Variants in LUZP2 observed in about 807,000 individuals in gnomAD.
LUZP2 encodes the protein leucine zipper protein 2.
In LUZP2, 52 loss-of-function variants were observed where a neutral mutation model predicts 51.6. That is an observed-to-expected ratio of 1.01 (90% CI 0.81 to 1.27). LUZP2 has a LOEUF of 1.27. Among genes scored for constraint, LUZP2 ranks in the 50% most tolerant of loss-of-function variants. LUZP2 has a pLI of 0.00. For missense variants in LUZP2, 436 were observed against 395.4 expected (o/e 1.10, Z -0.87); for synonymous variants, 154 against 137.3 (o/e 1.12, Z -0.85).
intron 1 of LUZP2, among the ~76,000 whole-genome samples, chr11:24,713,682 T>G (rs1351835478): frequency 1.3e-5 from 1 of 79,980 alleles, no homozygotes; most frequent in Non-Finnish European, 2.8e-5. Context: ...AGTGAGAATC[T>G]GTTTTTTTTT....
In LUZP2 at chr11:24,858,942, C is replaced by T. The variant is rs75297664; in HGVS notation, c.397-47049C>T. 4.6e-3 allele frequency among the ~76,000 whole-genome samples: 695 copies of T among 152,268 alleles called. 7 individuals are homozygous for T. Among genetic ancestry groups the T allele is most frequent in the African/African-American group, 0.016 (656 of 41,554 alleles). On this transcript the variant is annotated intron_variant, in intron 5 of 11. Transcript: ENST00000336930. ...ATAGAACACATTTAATCAATCATAACAGCTGAACTCAATCACATTTCTGCA... is the reference window on the plus strand; with the variant it reads ...ATAGAACACATTTAATCAATCATAATAGCTGAACTCAATCACATTTCTGCA...
chr11:24,745,866 T>G (rs1417513499), intron 4 of LUZP2, among the ~76,000 whole-genome samples: 1 of 151,962 alleles, frequency 6.6e-6, no homozygotes, highest in Non-Finnish European at 1.5e-5. Context: ...TTAGTAGAGA[T>G]GGGGTTTCGC....
intron 7 of LUZP2, among the ~76,000 whole-genome samples, chr11:24,945,185 G>T (rs79819345): frequency 1.3e-5 from 2 of 152,052 alleles, no homozygotes; most frequent in Admixed American, 6.6e-5. Context: ...CATCCTTTCC[G>T]CATCTTTCTC....
At chr11:24,551,834 G>T (rs1370938918) in intron 1 of LUZP2, among the ~76,000 whole-genome samples, 1 of 151,828 alleles carries the variant, frequency 6.6e-6, no homozygotes, top group Non-Finnish European at 1.5e-5. Context: ...TTAGCTCAAG[G>T]AGAAATAAAA....
At chr11:24,679,323 A>G (rs949457577) in intron 1 of LUZP2, among the ~76,000 whole-genome samples, 1 of 152,246 alleles carries the variant, frequency 6.6e-6, no homozygotes, top group Non-Finnish European at 1.5e-5. Context: ...TGATAAAAAC[A>G]ATAATAATGT....
At chr11:24,717,054 GA>G (rs1307578005) in intron 1 of LUZP2, among the ~76,000 whole-genome samples, 1 of 151,884 alleles carries the variant, frequency 6.6e-6, no homozygotes, top group Non-Finnish European at 1.5e-5. Flanking sequence ...GTGAATATAT[GA>G]CATGCATATT....
chr11:24,898,175 G>C (rs547952108), intron 5 of LUZP2, among the ~76,000 whole-genome samples: 1 of 151,848 alleles, frequency 6.6e-6, no homozygotes, highest in Non-Finnish European at 1.5e-5. Flanking sequence ...TCCATGAAGA[G>C]AAACGTAAGA....
At chr11:24,763,407 C>A in intron 5 of LUZP2, 99 bp downstream of exon 5, 4 of 449,610 alleles carry the variant, frequency 8.9e-6, no homozygotes, top group South Asian at 6.1e-5. Flanking sequence ...TAAACACTTG[C>A]ATATTTAATT....
intron 7 of LUZP2, among the ~76,000 whole-genome samples, chr11:24,960,146 G>A (rs1046099559): frequency 1.4e-4 from 21 of 152,100 alleles, no homozygotes; most frequent in African/African-American, 4.8e-4. Context: ...GCTGGATTCG[G>A]TTTGCCAGTA....
intron 1 of LUZP2, among the ~76,000 whole-genome samples, chr11:24,634,165 A>G (rs1465283052): frequency 6.6e-6 from 1 of 151,966 alleles, no homozygotes; most frequent in Non-Finnish European, 1.5e-5. Flanking sequence ...TGTGAGAATT[A>G]TATGAGTTCA....
intron 1 of LUZP2, among the ~76,000 whole-genome samples, chr11:24,698,730 T>G (rs555138117): frequency 1.3e-4 from 20 of 152,246 alleles, no homozygotes; most frequent in African/African-American, 4.8e-4. Flanking sequence ...TTTCTGCAGC[T>G]GCCAGCTTCA....
chr11:24,718,090 C>T (rs1434523498), intron 1 of LUZP2, among the ~76,000 whole-genome samples: 2 of 152,140 alleles, frequency 1.3e-5, no homozygotes, highest in Non-Finnish European at 2.9e-5. Context: ...AGAGCAAAGG[C>T]TTTCTTTTAT....
chr11:24,697,318 T>C (rs1857280618), intron 1 of LUZP2, among the ~76,000 whole-genome samples: 1 of 152,162 alleles, frequency 6.6e-6, no homozygotes, highest in Admixed American at 6.5e-5. Context: ...AAGAGATCTA[T>C]GTATATGAGG....
chr11:24,865,929 C>G lies in LUZP2; in HGVS notation c.397-40062C>G, dbSNP rs1180221211. 2.0e-5 allele frequency among the ~76,000 whole-genome samples: 3 copies of G among 151,966 alleles called. No homozygotes were observed. In the South Asian group the frequency reaches 6.2e-4, roughly 32 times the overall value. Reference sequence around the variant, plus strand: ...GGTTCAAGCAATTCTCCTGCCTCAGCCTCTGGAGTAGCTAGGACTACAGAT... The same window carrying G: ...GGTTCAAGCAATTCTCCTGCCTCAGGCTCTGGAGTAGCTAGGACTACAGAT... On this transcript the variant is annotated intron_variant, in intron 5 of 11. Transcript: ENST00000336930.
At chr11:24,769,552 A>T (rs1293548647) in intron 5 of LUZP2, among the ~76,000 whole-genome samples, 1 of 129,852 alleles carries the variant, frequency 7.7e-6, no homozygotes, top group Non-Finnish European at 1.6e-5. Flanking sequence ...AAAATAACTT[A>T]AAAAATTTAA....
rs1486054123 is a variant in LUZP2, at chr11:24,507,302, CTT to C, written c.62+9999_62+10000del. On this transcript the variant is annotated intron_variant, in intron 1 of 11. Transcript: ENST00000336930. ...TATAAACTCTAGTATACTTTCATCT[CTT>C]TACCATTTACTCAACATGCAAATTG... 3.3e-5 allele frequency among the ~76,000 whole-genome samples: 5 copies of C among 152,170 alleles called. No homozygotes were observed. The East Asian group carries it at 9.7e-4, about 29-fold the overall frequency.
chr11:24,871,987 T>C (rs1182701899), intron 5 of LUZP2, among the ~76,000 whole-genome samples: 2 of 152,044 alleles, frequency 1.3e-5, no homozygotes, highest in Non-Finnish European at 2.9e-5. Context: ...CATTTGACTC[T>C]GGTTGTATGT....
chr11:24,811,989 G>C (rs150153397), intron 5 of LUZP2, among the ~76,000 whole-genome samples: 2 of 152,030 alleles, frequency 1.3e-5, no homozygotes, highest in African/African-American at 4.8e-5. Flanking sequence ...CAAAAAAGGT[G>C]GTTGAAGGAA....
At chr11:24,960,078 C>A (rs1193352556) in intron 7 of LUZP2, among the ~76,000 whole-genome samples, 1 of 152,128 alleles carries the variant, frequency 6.6e-6, no homozygotes, top group East Asian at 1.9e-4. Context: ...ATTGAACCAG[C>A]CTTGCATCCC....
Sources: gnomAD v4.1 joint callset for allele counts (sites outside exome capture counted in the v4.1 genomes callset) on GRCh38, gnomAD v4.1.1 for gene constraint, MANE v1.5 for transcripts, NCBI Gene and HGNC (gene_info 2026-07-23, HGNC 2026-07-21) for gene names.